Variants in FYTTD1 observed in about 807,000 individuals in gnomAD.
FYTTD1 encodes UAP56-interacting factor.
A neutral mutation model predicts 40.9 loss-of-function variants in FYTTD1; 22 were observed. The observed-to-expected ratio is 0.54, with a 90% CI of 0.38 to 0.77. The LOEUF (loss-of-function observed/expected upper bound fraction) is 0.77. Among genes scored for constraint, FYTTD1 ranks in the 30% least tolerant of loss-of-function variants. FYTTD1 has a pLI of 0.00. For synonymous variants in FYTTD1, 140 were observed against 137.9 expected, an observed-to-expected ratio of 1.01 and a Z score of -0.10; for missense variants, 351 against 392.2, an observed-to-expected ratio of 0.90 and a Z score of 0.89.
intron 2 of FYTTD1, among the ~76,000 whole-genome samples, chr3:197,760,481 G>C (rs1729348916): frequency 6.6e-6 from 1 of 151,004 alleles, no homozygotes; most frequent in Non-Finnish European, 1.5e-5. Flanking sequence ...AATGTATAGA[G>C]TTCTTCAGGG....
rs528235840 is a variant in FYTTD1, at chr3:197,764,063, G to T, written c.236-4376G>T. ...CTAACTGGTTTTAAACTACTGCTCTGGTGGAGCTGAAAATGTAAAAGGGTC... is the reference window on the plus strand; with the variant it reads ...CTAACTGGTTTTAAACTACTGCTCTTGTGGAGCTGAAAATGTAAAAGGGTC... On this transcript the variant is annotated intron_variant, in intron 2 of 8. Transcript: ENST00000241502. 1.6e-4 allele frequency among the ~76,000 whole-genome samples: 25 copies of T among 152,246 alleles called. No homozygotes were observed. The South Asian group carries it at 2.7e-3, about 16-fold the overall frequency.
intron 7 of FYTTD1, among the ~76,000 whole-genome samples, chr3:197,777,947 A>G (rs768279532): frequency 4.6e-5 from 7 of 152,156 alleles, no homozygotes; most frequent in Admixed American, 2.0e-4. Context: ...CCTGGCCTCA[A>G]GCGATCCTTG....
rs200794901 is a variant in FYTTD1 at position 197,776,382 on chromosome 3, TTG to T, written c.657-543_657-542del. 1.4e-4 allele frequency among the ~76,000 whole-genome samples: 20 copies of T among 138,782 alleles called. 2 individuals are homozygous for T. The highest frequency in any genetic ancestry group is 1.4e-4 in the African/African-American group (5 of 36,970). The allele number at this position is 138,782 out of a possible 152,430, so 91.0% of individuals were successfully genotyped here. ...ACCACACCCCACGCCCAGCTTAAAT[TTG>T]TTTTTTTTTTTTTTTTTTTTGGTAG... On this transcript the variant is annotated intron_variant, in intron 6 of 8. Transcript: ENST00000241502.
At chr3:197,774,112 C>T (rs754231043) in intron 5 of FYTTD1, 37 bp from the exon 6 acceptor site, 43 of 1,572,028 alleles carry the variant, frequency 2.7e-5, no homozygotes, top group African/African-American at 4.1e-5. Context: ...AAATCCTCTG[C>T]TTTCTGTGGT....
intron 1 of FYTTD1, among the ~76,000 whole-genome samples, chr3:197,753,983 G>T (rs757668229): frequency 4.4e-4 from 67 of 151,970 alleles, no homozygotes; most frequent in Non-Finnish European, 7.4e-4. Flanking sequence ...CTCATGATCC[G>T]CCCACTTCGG....
chr3:197,770,824 C>T (rs1356314161), intron 4 of FYTTD1, among the ~76,000 whole-genome samples: 3 of 152,180 alleles, frequency 2.0e-5, no homozygotes, highest in Non-Finnish European at 2.9e-5. Flanking sequence ...GCTGGGATTA[C>T]GGGCATGCGC....
chr3:197,756,595 T>C (rs1386314780), intron 2 of FYTTD1, 38 bp downstream of exon 2: 2 of 1,581,726 alleles, frequency 1.3e-6, no homozygotes, highest in East Asian at 4.5e-5. Context: ...AAAGCTGTTA[T>C]TTGTGTGTTC....
intron 6 of FYTTD1, among the ~76,000 whole-genome samples, chr3:197,775,063 T>G (rs1729837956): frequency 6.6e-6 from 1 of 152,258 alleles, no homozygotes. Context: ...GCTATACCAT[T>G]TTAATGAAAC....
chr3:197,767,751 C>G (rs1035823573), intron 2 of FYTTD1, among the ~76,000 whole-genome samples: 4 of 152,138 alleles, frequency 2.6e-5, no homozygotes, highest in African/African-American at 7.2e-5. Flanking sequence ...CTGTGCCCAG[C>G]CTTAAAAAAG....
chr3:197,777,950 G>A (rs149805548), intron 7 of FYTTD1, among the ~76,000 whole-genome samples: 151 of 151,792 alleles, frequency 9.9e-4, no homozygotes, highest in African/African-American at 3.6e-3. Context: ...GGCCTCAAGC[G>A]ATCCTTGTGC....
intron 2 of FYTTD1, among the ~76,000 whole-genome samples, chr3:197,759,119 A>G (rs1161057738): frequency 1.3e-5 from 2 of 151,446 alleles, no homozygotes; most frequent in South Asian, 2.1e-4. Flanking sequence ...GGTAGAATGT[A>G]TAGAGTGTTC....
chr3:197,768,405 A>G (rs1319185276), intron 2 of FYTTD1, 34 bp from the exon 3 acceptor site: 1 of 1,501,298 alleles, frequency 6.7e-7, no homozygotes, highest in Non-Finnish European at 9.0e-7. Context: ...GAATTGTTAA[A>G]TTGACATTTT....
chr3:197,780,468 A>G (rs764333759), intron 8 of FYTTD1, among the ~76,000 whole-genome samples: 7 of 152,130 alleles, frequency 4.6e-5, no homozygotes, highest in Non-Finnish European at 8.8e-5. Flanking sequence ...TAAGATGTAT[A>G]CTTGTATGCA....
At chr3:197,766,981 G>C (rs1349693599) in intron 2 of FYTTD1, among the ~76,000 whole-genome samples, 2 of 152,138 alleles carry the variant, frequency 1.3e-5, no homozygotes, top group Non-Finnish European at 2.9e-5. Flanking sequence ...GTCATCTCTA[G>C]GTGGTAGGCT....
intron 2 of FYTTD1, 32 bp downstream of exon 2, chr3:197,756,589 C>T: frequency 6.3e-7 from 1 of 1,594,704 alleles, no homozygotes; most frequent in Non-Finnish European, 8.6e-7. Context: ...TAATGGAAAG[C>T]TGTTATTTGT....
At chr3:197,774,662 G>C (rs1305085073) in intron 6 of FYTTD1, among the ~76,000 whole-genome samples, 1 of 150,106 alleles carries the variant, frequency 6.7e-6, no homozygotes, top group Non-Finnish European at 1.5e-5. Context: ...AGCATAGCTC[G>C]ATCGCCAGTG....
intron 2 of FYTTD1, among the ~76,000 whole-genome samples, chr3:197,762,678 C>T (rs1248005460): frequency 1.3e-5 from 2 of 151,696 alleles, no homozygotes; most frequent in Non-Finnish European, 1.5e-5. Context: ...ATCGGGAGAT[C>T]GAGACCGTCC....
At chr3:197,772,874 G>T (rs1314777122) in intron 4 of FYTTD1, among the ~76,000 whole-genome samples, 3 of 152,174 alleles carry the variant, frequency 2.0e-5, no homozygotes, top group African/African-American at 4.8e-5. Context: ...CTCCCAAAGT[G>T]CTGGGATTAC....
At chr3:197,754,426 T>C (rs1348865021) in intron 1 of FYTTD1, among the ~76,000 whole-genome samples, 1 of 152,134 alleles carries the variant, frequency 6.6e-6, no homozygotes, top group Non-Finnish European at 1.5e-5. Flanking sequence ...TCTTAAAGAT[T>C]AGAGATTGGT....
Sources: allele counts gnomAD v4.1 joint callset (sites outside exome capture counted in the v4.1 genomes callset), GRCh38; gene constraint gnomAD v4.1.1; transcripts MANE v1.5; gene names NCBI Gene and HGNC (gene_info 2026-07-23, HGNC 2026-07-21).